Variants in PTPRK observed in about 807,000 individuals in gnomAD.
PTPRK encodes the protein receptor-type tyrosine-protein phosphatase kappa.
In PTPRK, 75 loss-of-function variants were observed where a neutral mutation model predicts 178.0. That is an observed-to-expected ratio of 0.42 (90% CI 0.35 to 0.51). The LOEUF (loss-of-function observed/expected upper bound fraction) is 0.51. Ranked by LOEUF, PTPRK falls within the 20% of genes least tolerant of loss-of-function variation. The probability of loss-of-function intolerance (pLI) is 0.02; values close to 1 mark genes in which losing one functional copy is unlikely to be tolerated. For synonymous variants in PTPRK, 637 were observed against 620.6 expected, an observed-to-expected ratio of 1.03 and a Z score of -0.39; for missense variants, 1,441 against 1,797.8, an observed-to-expected ratio of 0.80 and a Z score of 3.59.
rs567420942 is a variant in PTPRK, at chr6:128,191,136, A to G, written c.869-6411T>C. Among the ~76,000 whole-genome samples the G allele has an allele frequency of 3.9e-5, 6 of 152,326 alleles. No homozygotes were observed. The East Asian group carries it at 1.2e-3, about 29-fold the overall frequency. ...TAAGTAGGTAGAAAACTTTAGATAA[A>G]AGGGGAAAAAAGAATTACAAATAAT... On this transcript the variant is annotated intron_variant, in intron 6 of 29. Coordinates refer to ENST00000368226, the MANE Select transcript of PTPRK (RefSeq NM_002844.4).
At chr6:128,302,668 A>G (rs1046440460) in intron 3 of PTPRK, among the ~76,000 whole-genome samples, 2 of 151,040 alleles carry the variant, frequency 1.3e-5, no homozygotes, top group Admixed American at 6.6e-5. Flanking sequence ...AACTCGTTAT[A>G]TGTTGCTTCT....
intron 1 of PTPRK, among the ~76,000 whole-genome samples, chr6:128,409,069 G>A (rs1842005257): frequency 6.6e-6 from 1 of 152,168 alleles, no homozygotes; most frequent in Admixed American, 6.5e-5. Flanking sequence ...GGAGATATGT[G>A]ACATAAAAGT....
intron 3 of PTPRK, among the ~76,000 whole-genome samples, chr6:128,290,876 T>A (rs1823261717): frequency 6.6e-6 from 1 of 152,128 alleles, no homozygotes; most frequent in African/African-American, 2.4e-5. Context: ...ACTATATGCC[T>A]GGTATTAAAC....
intron 1 of PTPRK, among the ~76,000 whole-genome samples, chr6:128,474,363 A>G (rs1239072042): frequency 6.6e-6 from 1 of 152,008 alleles, no homozygotes; most frequent in African/African-American, 2.4e-5. Flanking sequence ...ACTGTGTCCT[A>G]GAAAACACTA....
chr6:128,426,558 C>G (rs1381408496), intron 1 of PTPRK, among the ~76,000 whole-genome samples: 4 of 152,164 alleles, frequency 2.6e-5, no homozygotes, highest in African/African-American at 9.7e-5. Context: ...AGACCAAGCT[C>G]CTTCAAATGC....
chr6:128,517,086 A>G (rs889897403), intron 1 of PTPRK, among the ~76,000 whole-genome samples: 1 of 151,730 alleles, frequency 6.6e-6, no homozygotes, highest in African/African-American at 2.4e-5. Flanking sequence ...ACACACATGC[A>G]CACACACACG....
chr6:128,395,170 G>T (rs1390671907), intron 2 of PTPRK, among the ~76,000 whole-genome samples: 3 of 151,790 alleles, frequency 2.0e-5, no homozygotes, highest in Admixed American at 2.0e-4. Flanking sequence ...AATATCAGAA[G>T]GAAAATGAAA....
At chr6:128,065,045 G>A (rs1428876936) in intron 12 of PTPRK, among the ~76,000 whole-genome samples, 1 of 152,126 alleles carries the variant, frequency 6.6e-6, no homozygotes, top group Non-Finnish European at 1.5e-5. Flanking sequence ...AATGAAACAG[G>A]TTAGTTTGTG....
chr6:128,202,556 A>G (rs1385136939), intron 6 of PTPRK, among the ~76,000 whole-genome samples: 1 of 152,146 alleles, frequency 6.6e-6, no homozygotes, highest in Non-Finnish European at 1.5e-5. Context: ...CCCCACTTCG[A>G]GGGCACTTCA....
intron 1 of PTPRK, among the ~76,000 whole-genome samples, chr6:128,465,708 A>G (rs983902713): frequency 3.9e-5 from 6 of 152,124 alleles, no homozygotes; most frequent in Admixed American, 1.3e-4. Context: ...TTTATTTGCT[A>G]TTGAATGACA....
At chr6:128,222,131 C>T (rs1810525213) in intron 5 of PTPRK, among the ~76,000 whole-genome samples, 5 of 152,206 alleles carry the variant, frequency 3.3e-5, no homozygotes, top group Admixed American at 3.3e-4. Context: ...TCCAAATTCT[C>T]TTGCACATGT....
At chr6:127,988,357 G>T (rs1481772025) in intron 21 of PTPRK, among the ~76,000 whole-genome samples, 1 of 144,534 alleles carries the variant, frequency 6.9e-6, no homozygotes, top group African/African-American at 2.6e-5. Flanking sequence ...AGGCTGGAGT[G>T]CAGTGGCGCC....
chr6:128,067,420 T>A, intron 12 of PTPRK, 99 bp downstream of exon 12: 1 of 1,293,882 alleles, frequency 7.7e-7, no homozygotes, highest in Non-Finnish European at 1.0e-6. Context: ...ATTTTCTTTT[T>A]CTTTTTTTTT....
chr6:128,396,498 G>A (rs950932654), intron 2 of PTPRK, among the ~76,000 whole-genome samples: 13 of 151,726 alleles, frequency 8.6e-5, no homozygotes, highest in African/African-American at 2.7e-4. Flanking sequence ...AAGCATATAC[G>A]CACAGAACTT....
intron 6 of PTPRK, among the ~76,000 whole-genome samples, chr6:128,207,571 C>G (rs1399566819): frequency 1.3e-5 from 2 of 152,088 alleles, no homozygotes; most frequent in Non-Finnish European, 2.9e-5. Flanking sequence ...TCTGAGTGTA[C>G]AGATATACAC....
At chr6:128,040,817 A>G (rs983180498) in intron 13 of PTPRK, among the ~76,000 whole-genome samples, 1 of 152,088 alleles carries the variant, frequency 6.6e-6, no homozygotes, top group South Asian at 2.1e-4. Flanking sequence ...ACATAAACCA[A>G]GCAGAAATGA....
intron 13 of PTPRK, among the ~76,000 whole-genome samples, chr6:128,052,650 T>C (rs1230667657): frequency 6.6e-6 from 1 of 152,218 alleles, no homozygotes; most frequent in African/African-American, 2.4e-5. Flanking sequence ...ATGGATACTG[T>C]TCACCTTCAT....
chr6:128,451,816 G>A (rs1847831810), intron 1 of PTPRK, among the ~76,000 whole-genome samples: 1 of 152,154 alleles, frequency 6.6e-6, no homozygotes, highest in African/African-American at 2.4e-5. Context: ...ACAATTTTAG[G>A]AGCATAAATG....
intron 2 of PTPRK, among the ~76,000 whole-genome samples, chr6:128,328,002 G>A (rs1310881533): frequency 2.0e-5 from 3 of 152,190 alleles, no homozygotes; most frequent in South Asian, 4.1e-4. Flanking sequence ...GAGGCCTGGG[G>A]TATGTGTGTG....
Sources: allele counts gnomAD v4.1 joint callset (sites outside exome capture counted in the v4.1 genomes callset), GRCh38; gene constraint gnomAD v4.1.1; transcripts MANE v1.5; gene names NCBI Gene and HGNC (gene_info 2026-07-23, HGNC 2026-07-21).